The following MAF variants were observed in gnomAD, a reference collection of about 807,000 sequenced individuals.
MAF encodes MAF bZIP transcription factor.
In MAF, 10 loss-of-function variants were observed where a neutral mutation model predicts 22.0. That is an observed-to-expected ratio of 0.45 (90% CI 0.28 to 0.77). MAF has a LOEUF of 0.77. Ranked by LOEUF, MAF falls within the 30% of genes least tolerant of loss-of-function variation. The pLI is 0.12. For missense variants in MAF, 544 were observed against 548.4 expected (o/e 0.99, Z 0.08); for synonymous variants, 337 against 255.8 (o/e 1.32, Z -3.03).
the MAF span, among the ~76,000 whole-genome samples, chr16:79,559,431 T>C: frequency 2.0e-5 from 3 of 152,106 alleles, no homozygotes; most frequent in Non-Finnish European, 4.4e-5. Context: ...AGAGGGGAAG[T>C]CTTCGAGTGG....
At chr16:79,466,938 G>A in the MAF span, among the ~76,000 whole-genome samples, 1 of 152,208 alleles carries the variant, frequency 6.6e-6, no homozygotes, top group Non-Finnish European at 1.5e-5. Context: ...CAGGTTTCCA[G>A]AGGGGAACAG....
the MAF span, among the ~76,000 whole-genome samples, chr16:79,310,522 TG>T: frequency 1.3e-5 from 2 of 152,180 alleles, no homozygotes; most frequent in Non-Finnish European, 2.9e-5. Flanking sequence ...CTTTCACATC[TG>T]GAGTTCAGAT....
At chr16:79,421,401 G>C in the MAF span, among the ~76,000 whole-genome samples, 1 of 152,142 alleles carries the variant, frequency 6.6e-6, no homozygotes, top group African/African-American at 2.4e-5. Context: ...CTAGTGCCTG[G>C]CAACCGCTGA....
At chr16:79,402,801 C>T in the MAF span, among the ~76,000 whole-genome samples, 1 of 152,222 alleles carries the variant, frequency 6.6e-6, no homozygotes, top group African/African-American at 2.4e-5. Context: ...TGTGGAGGCT[C>T]TCACTGTTGT....
chr16:79,504,879 G>A, the MAF span, among the ~76,000 whole-genome samples: 1 of 152,108 alleles, frequency 6.6e-6, no homozygotes, highest in Non-Finnish European at 1.5e-5. Context: ...TGAATGCCTT[G>A]TACGAACACA....
chr16:79,320,584 G>C, the MAF span, among the ~76,000 whole-genome samples: 3 of 152,292 alleles, frequency 2.0e-5, no homozygotes, highest in East Asian at 1.9e-4. Context: ...TCTCGAGAAG[G>C]AGCCAGTCAC....
At chr16:79,388,044 A>T in the MAF span, among the ~76,000 whole-genome samples, 2 of 152,150 alleles carry the variant, frequency 1.3e-5, no homozygotes, top group African/African-American at 2.4e-5. Context: ...ACTTCCACTG[A>T]GTTTTCTTTA....
chr16:79,210,415 A>G, the MAF span, among the ~76,000 whole-genome samples: 1 of 152,204 alleles, frequency 6.6e-6, no homozygotes, highest in Non-Finnish European at 1.5e-5. Context: ...AGCACCCTGC[A>G]TGGTCACAAT....
the MAF span, among the ~76,000 whole-genome samples, chr16:79,318,603 A>T: frequency 2.0e-5 from 3 of 152,218 alleles, no homozygotes; most frequent in Non-Finnish European, 4.4e-5. Flanking sequence ...CCCTTGGCGC[A>T]ACATCACTAG....
the MAF span, among the ~76,000 whole-genome samples, chr16:79,408,195 G>A: frequency 6.7e-6 from 1 of 148,692 alleles, no homozygotes; most frequent in African/African-American, 2.5e-5. Flanking sequence ...TTCTTTGTTT[G>A]AGATGGACTC....
the MAF span, among the ~76,000 whole-genome samples, chr16:79,571,495 A>G: frequency 6.8e-6 from 1 of 147,402 alleles, no homozygotes; most frequent in Non-Finnish European, 1.5e-5. Flanking sequence ...CTGGTGCAGT[A>G]TTAGCATACT....
the MAF span, among the ~76,000 whole-genome samples, chr16:79,563,410 A>C: frequency 6.6e-6 from 1 of 152,076 alleles, no homozygotes; most frequent in Non-Finnish European, 1.5e-5. Context: ...TGTTAAGTAC[A>C]TCTTTATTGT....
At chr16:79,270,239 G>A in the MAF span, among the ~76,000 whole-genome samples, 1 of 152,028 alleles carries the variant, frequency 6.6e-6, no homozygotes, top group African/African-American at 2.4e-5. Flanking sequence ...GCATCCTAGT[G>A]TATGAGTTCT....
At chr16:79,208,284 C>G in the MAF span, among the ~76,000 whole-genome samples, 2 of 152,116 alleles carry the variant, frequency 1.3e-5, no homozygotes, top group Non-Finnish European at 2.9e-5. Context: ...CGTCAACAAC[C>G]TAACTCATTG....
the MAF span, among the ~76,000 whole-genome samples, chr16:79,335,966 G>T: frequency 6.6e-6 from 1 of 152,190 alleles, no homozygotes; most frequent in East Asian, 1.9e-4. Context: ...GTCCAGCCAG[G>T]TTGAGAGCCC....
At chr16:79,408,095 A>AAAAC in the MAF span, among the ~76,000 whole-genome samples, 2,316 of 146,960 alleles carry the variant, frequency 0.016, 99 homozygotes, top group East Asian at 0.15. Context: ...AAAAAAAAAA[A>AAAAC]AAAAACCTAA....
chr16:79,499,488 A>T, the MAF span, among the ~76,000 whole-genome samples: 1 of 152,194 alleles, frequency 6.6e-6, no homozygotes, highest in African/African-American at 2.4e-5. Context: ...TTTCCCTAAA[A>T]TTCATATGTT....
chr16:79,598,908 T>C lies in MAF; in HGVS notation c.995A>G (p.Gln332Arg), dbSNP rs1188113484. The stretch of plus-strand genomic sequence containing the variant: ...CTCGCGCACCAGCCTGGAGATCTCC[T>C]GCTTGAGGTGGTCGACTTGCTGCAG... ...QLLQQVDHLK[Q>R]EISRLVRERD... The change falls in exon 1 of 2, where the codon CAG becomes CGG. Residue 332 changes from glutamine to arginine, a missense_variant. Around this residue, in one of 5 missense-constraint regions of MAF, gnomAD observed 129 missense variants for 113.6 expected, o/e 1.14. Coordinates refer to ENST00000326043, the MANE Select transcript of MAF (RefSeq NM_005360.5). 5 of 1,613,550 alleles carry C rather than the reference T, an allele frequency of 3.1e-6. No individual in the cohort carries two copies. Among genetic ancestry groups the C allele is most frequent in the Non-Finnish European group, 4.2e-6 (5 of 1,179,944 alleles).
At chr16:79,413,593 C>A in the MAF span, among the ~76,000 whole-genome samples, 1 of 152,006 alleles carries the variant, frequency 6.6e-6, no homozygotes. Flanking sequence ...CTCTCTTTAA[C>A]CAGGGATAAA....
Sources: gnomAD v4.1 joint callset for allele counts (sites outside exome capture counted in the v4.1 genomes callset) on GRCh38, gnomAD v4.1.1 for gene constraint, gnomAD v4.1.1 regional missense constraint, MANE v1.5 for transcripts, NCBI Gene and HGNC (gene_info 2026-07-23, HGNC 2026-07-21) for gene names.